The following PDE8B variants were observed in gnomAD, a reference collection of about 807,000 sequenced individuals.
PDE8B encodes the protein phosphodiesterase 8B.
A neutral mutation model predicts 101.3 loss-of-function variants in PDE8B; 26 were observed. The observed-to-expected ratio is 0.26, with a 90% CI of 0.19 to 0.36. The LOEUF is 0.36. Among genes scored for constraint, PDE8B ranks in the 10% least tolerant of loss-of-function variants. PDE8B has a pLI of 1.00. For synonymous variants in PDE8B, 424 were observed against 429.3 expected (o/e 0.99, Z 0.15); for missense variants, 810 against 1,163.1 (o/e 0.70, Z 4.42).
At chr5:77,340,718 T>C (rs1249427680) in intron 6 of PDE8B, among the ~76,000 whole-genome samples, 1 of 151,356 alleles carries the variant, frequency 6.6e-6, no homozygotes, top group Non-Finnish European at 1.5e-5. Flanking sequence ...CTGGCCATGA[T>C]TGACAGAGGA....
At chr5:77,144,490 G>A in the PDE8B span, 1 of 152,076 alleles carries the variant, frequency 6.6e-6, no homozygotes, top group African/African-American at 2.4e-5. Flanking sequence ...AAAGAAGGAA[G>A]CATTTTATAA....
chr5:77,200,211 T>C, the PDE8B span, among the ~76,000 whole-genome samples: 2 of 152,128 alleles, frequency 1.3e-5, no homozygotes, highest in Non-Finnish European at 2.9e-5. Flanking sequence ...CACAAATTTA[T>C]TTGGAATATC....
At chr5:77,354,738 C>T (rs1485158332) in intron 10 of PDE8B, among the ~76,000 whole-genome samples, 2 of 152,178 alleles carry the variant, frequency 1.3e-5, no homozygotes, top group African/African-American at 4.8e-5. Flanking sequence ...CCCCCACCAA[C>T]TCAGCCTTGC....
chr5:77,148,879 A>G, the PDE8B span, among the ~76,000 whole-genome samples: 1 of 152,068 alleles, frequency 6.6e-6, no homozygotes, highest in Non-Finnish European at 1.5e-5. Context: ...TTTGATTTTG[A>G]TGAAGTCTAA....
At chr5:77,103,991 C>T in the PDE8B span, among the ~76,000 whole-genome samples, 27 of 152,200 alleles carry the variant, frequency 1.8e-4, no homozygotes, top group Admixed American at 6.5e-5. Flanking sequence ...AGTTCTAAAG[C>T]AAGACAAGTG....
the PDE8B span, among the ~76,000 whole-genome samples, chr5:77,182,226 C>A: frequency 1.3e-5 from 2 of 151,844 alleles, no homozygotes; most frequent in African/African-American, 2.4e-5. Context: ...TAGTTCTTTG[C>A]AGTCTTGCTA....
chr5:77,320,472 T>C (rs1774802915), intron 2 of PDE8B, among the ~76,000 whole-genome samples: 1 of 152,166 alleles, frequency 6.6e-6, no homozygotes, highest in South Asian at 2.1e-4. Context: ...GTGACAAAAC[T>C]ACTTCCTTCT....
intron 1 of PDE8B, among the ~76,000 whole-genome samples, chr5:77,241,950 C>A (rs1309174638): frequency 2.0e-5 from 3 of 152,190 alleles, no homozygotes; most frequent in African/African-American, 7.2e-5. Flanking sequence ...AAAACTTTCT[C>A]ATGGTTCAAA....
the PDE8B span, among the ~76,000 whole-genome samples, chr5:77,110,727 C>T: frequency 2.6e-5 from 4 of 152,170 alleles, no homozygotes; most frequent in Non-Finnish European, 5.9e-5. Flanking sequence ...TCAAGTAATG[C>T]AGTGTGTACC....
At chr5:77,244,631 CT>C (rs2149570997) in intron 1 of PDE8B, among the ~76,000 whole-genome samples, 1 of 152,158 alleles carries the variant, frequency 6.6e-6, no homozygotes, top group African/African-American at 2.4e-5. Flanking sequence ...ATACTAAGTA[CT>C]TTTTTAAGTG....
At chr5:77,102,674 A>G in the PDE8B span, among the ~76,000 whole-genome samples, 1 of 152,252 alleles carries the variant, frequency 6.6e-6, no homozygotes, top group African/African-American at 2.4e-5. Flanking sequence ...GTGTGATCCT[A>G]TGTGTAACAA....
At chr5:77,419,978 A>C in intron 19 of PDE8B, 91 bp downstream of exon 19, 2 of 1,421,886 alleles carry the variant, frequency 1.4e-6, no homozygotes, top group African/African-American at 1.4e-5. Flanking sequence ...TCCCACTCAA[A>C]TGTAAGGTGG....
At position 77,211,771 on chromosome 5, in the gene PDE8B, G is replaced by A. The variant is rs1748477673; in HGVS notation, c.339+507G>A. Among the ~76,000 whole-genome samples, 2 of 152,234 alleles carry A rather than the reference G, an allele frequency of 1.3e-5. No homozygotes were observed. Among genetic ancestry groups the A allele is most frequent in the Admixed American group, 1.3e-4 (2 of 15,284 alleles). On this transcript the variant is annotated intron_variant, in intron 1 of 21. Transcript: ENST00000264917. The surrounding 1 kb of genome is among the most constrained non-coding windows in gnomAD (Gnocchi z 4.1). ...TGGAGTCTCAGCACAGGAACCGAGC[G>A]TAGGGATTTGTGAATGAATGAGTGT...
chr5:77,228,258 G>GAGACAGTCTCTTTTATCAGTAAGATGGT (rs1752840042), intron 1 of PDE8B, among the ~76,000 whole-genome samples: 1 of 152,202 alleles, frequency 6.6e-6, no homozygotes, highest in African/African-American at 2.4e-5. Flanking sequence ...GCCAGCAAGA[G>GAGACAGTCTCTTTTATCAGTAAGATGGT]AGACAGTCTC....
the PDE8B span, chr5:77,087,589 G>A: frequency 1.3e-5 from 2 of 152,176 alleles, no homozygotes; most frequent in South Asian, 4.2e-4. Context: ...ACACCAGCAT[G>A]GTGTACCAGC....
At chr5:77,116,954 C>A in the PDE8B span, among the ~76,000 whole-genome samples, 2 of 152,164 alleles carry the variant, frequency 1.3e-5, 1 homozygote, top group Admixed American at 1.3e-4. Flanking sequence ...AGTGCCCTTT[C>A]CCCCCAGGCT....
chr5:77,221,222 A>G (rs1751033543), intron 1 of PDE8B, among the ~76,000 whole-genome samples: 1 of 152,190 alleles, frequency 6.6e-6, no homozygotes, highest in Non-Finnish European at 1.5e-5. Flanking sequence ...CACTCATTGC[A>G]GTAGGTTGCT....
intron 3 of PDE8B, among the ~76,000 whole-genome samples, chr5:77,327,931 A>G (rs1039545342): frequency 2.0e-5 from 3 of 152,220 alleles, no homozygotes; most frequent in Non-Finnish European, 2.9e-5. Context: ...TTTTTGAGAA[A>G]GGTCATAAAA....
chr5:77,120,371 A>G, the PDE8B span, among the ~76,000 whole-genome samples: 1 of 152,234 alleles, frequency 6.6e-6, no homozygotes, highest in African/African-American at 2.4e-5. Flanking sequence ...AACTTACTGA[A>G]TGGTACACTT....
Sources: allele counts gnomAD v4.1 joint callset (sites outside exome capture counted in the v4.1 genomes callset), GRCh38; gene constraint gnomAD v4.1.1; non-coding constraint Gnocchi (gnomAD v3.1); transcripts MANE v1.5; gene names NCBI Gene and HGNC (gene_info 2026-07-23, HGNC 2026-07-21).